STS: variants seen among roughly 807,000 people sequenced by gnomAD.
STS encodes the protein steryl-sulfatase.
A neutral mutation model predicts 26.8 loss-of-function variants in STS; 7 were observed. The ratio of observed to expected loss-of-function variants is 0.26; its 90% CI spans 0.15 to 0.49. STS has a LOEUF of 0.49. Among genes scored for constraint, STS ranks in the 20% least tolerant of loss-of-function variants. The pLI, the probability that STS is intolerant of heterozygous loss-of-function variation, is 0.98. For synonymous variants in STS, 199 were observed against 189.4 expected, an observed-to-expected ratio of 1.05 and a Z score of -0.42; for missense variants, 434 against 465.6, an observed-to-expected ratio of 0.93 and a Z score of 0.63.
rs996871542 is a variant in STS, at chrX:7,180,090, G to A, written c.-133-10790G>A. ...GTCCCCAACCTTTGGGACCAGTTTT[G>A]TCAAAGACAATTTCTCCCTGGACCT... On this transcript the variant is annotated intron_variant, in intron 1 of 10. Transcript: ENST00000674429. 6.3e-5 allele frequency among the ~76,000 whole-genome samples: 7 copies of A among 111,654 alleles called. 1 individual carries two copies. Among genetic ancestry groups the A allele is most frequent in the Admixed American group, 3.8e-4 (4 of 10,509 alleles).
chrX:7,240,489 ATGTATG>A (rs1364935364), intron 2 of STS, among the ~76,000 whole-genome samples: 26 of 45,053 alleles, frequency 5.8e-4, no homozygotes, highest in Non-Finnish European at 7.4e-4. Flanking sequence ...ACACACAGAT[ATGTATG>A]TGTGTGTGTG....
chrX:7,262,612 G>T (rs2147093393), intron 6 of STS, among the ~76,000 whole-genome samples: 1 of 112,410 alleles, frequency 8.9e-6, no homozygotes, highest in Admixed American at 9.4e-5. Flanking sequence ...AGGGATAAAA[G>T]TTGCAGTGCT....
At chrX:7,234,051 AT>A (rs1333472250) in intron 2 of STS, among the ~76,000 whole-genome samples, 4 of 111,229 alleles carry the variant, frequency 3.6e-5, no homozygotes, top group Non-Finnish European at 3.8e-5. Context: ...TGTGTATTTT[AT>A]TTTCTCTCCT....
At chrX:7,207,054 A>C (rs1041971610) in intron 2 of STS, among the ~76,000 whole-genome samples, 3 of 111,493 alleles carry the variant, frequency 2.7e-5, no homozygotes, top group Non-Finnish European at 5.7e-5. Context: ...TACTAAAAAT[A>C]AAAAAGTCAC....
intron 9 of STS, among the ~76,000 whole-genome samples, chrX:7,329,291 G>A (rs772682755): frequency 1.8e-5 from 2 of 111,827 alleles, no homozygotes; most frequent in Non-Finnish European, 3.8e-5. Flanking sequence ...TTATTGTCTT[G>A]GCTCAGGGTG....
chrX:7,240,680 C>T (rs1371370202), intron 2 of STS, among the ~76,000 whole-genome samples: 2 of 108,117 alleles, frequency 1.8e-5, no homozygotes, highest in Admixed American at 1.0e-4. Context: ...AGGCTGAAGT[C>T]ATCATTGACT....
At position 7,342,433 on chromosome X, in the gene STS, A is replaced by G. The variant is rs149944644; in HGVS notation, c.1364-7455A>G. Among the ~76,000 whole-genome samples, 631 of 112,211 alleles carry G rather than the reference A, an allele frequency of 5.6e-3. 1 individual carries two copies. The highest frequency in any genetic ancestry group is 7.9e-3 in the Non-Finnish European group (419 of 53,232). ...CTACACCCACTTTGTTCCAGGTTAT[A>G]TATTTCTGTCCCTTAATATGCAAAA... On this transcript the variant is annotated intron_variant, in intron 10 of 10. Coordinates refer to ENST00000674429, the MANE Select transcript of STS (RefSeq NM_001320752.2).
intron 10 of STS, among the ~76,000 whole-genome samples, chrX:7,346,307 G>A (rs192035138): frequency 1.0e-3 from 113 of 111,197 alleles, no homozygotes; most frequent in Admixed American, 2.4e-3. Flanking sequence ...TAAGCATTTT[G>A]TTCTAGCACA....
At chrX:7,219,523 T>C (rs1158430095) in intron 2 of STS, 1 of 1,169,057 alleles carries the variant, frequency 8.6e-7, no homozygotes. Context: ...AGTGATTGAG[T>C]AGGATTGGCC....
intron 1 of STS, among the ~76,000 whole-genome samples, chrX:7,187,360 G>A (rs1278994216): frequency 8.9e-6 from 1 of 112,109 alleles, no homozygotes; most frequent in Non-Finnish European, 1.9e-5. Flanking sequence ...TCACGAGAAA[G>A]TAGGATAAAT....
chrX:7,209,413 A>G (rs1407924469), intron 2 of STS, among the ~76,000 whole-genome samples: 2 of 106,182 alleles, frequency 1.9e-5, no homozygotes, highest in Non-Finnish European at 1.9e-5. Flanking sequence ...ATAGAAATAT[A>G]TATTTTTATA....
intron 8 of STS, among the ~76,000 whole-genome samples, chrX:7,314,356 CA>C (rs1412989310): frequency 1.8e-5 from 2 of 109,221 alleles, no homozygotes; most frequent in South Asian, 3.9e-4. Context: ...GATCCTGTCT[CA>C]AAAAAAAAGT....
chrX:7,157,785 T>C (rs1933164990), intron 1 of STS, among the ~76,000 whole-genome samples: 2 of 111,517 alleles, frequency 1.8e-5, no homozygotes, highest in South Asian at 7.5e-4. Flanking sequence ...GTCATACAGC[T>C]AGTGGGTGCT....
intron 2 of STS, among the ~76,000 whole-genome samples, chrX:7,235,926 T>G (rs1428223335): frequency 8.9e-6 from 1 of 112,016 alleles, no homozygotes; most frequent in African/African-American, 3.2e-5. Context: ...TTAGATAAGC[T>G]TTGAATTAGA....
At position 7,182,350 on chromosome X, in the gene STS, G is replaced by C. The variant is rs199912617; in HGVS notation, c.-133-8530G>C. 2.7e-5 allele frequency among the ~76,000 whole-genome samples: 3 copies of C among 109,302 alleles called. No homozygotes were observed. In the East Asian group the frequency reaches 8.7e-4, roughly 32 times the overall value. 94.9% of individuals were successfully genotyped at this position (109,302 alleles called of 115,157 possible). A position where few individuals can be genotyped will look rare whatever the true frequency, so the allele number is the denominator to read the frequency against. ...GCTGGCTTCTTCTTGAGCGAATTCT[G>C]TTCCCCTGGCCTCAGCTGGCAGATA... is the stretch of plus-strand genomic sequence containing the variant. On this transcript the variant is annotated intron_variant, in intron 1 of 10. Coordinates refer to ENST00000674429, the MANE Select transcript of STS (RefSeq NM_001320752.2).
chrX:7,148,131 C>T (rs1432074362), intron 1 of STS, 48 bp downstream of exon 1: 1 of 1,103,289 alleles, frequency 9.1e-7, no homozygotes, highest in Non-Finnish European at 1.2e-6. Flanking sequence ...CCTTCTGGGT[C>T]TGGGTGGGGG....
At chrX:7,244,487 G>A (rs1380216382) in intron 2 of STS, among the ~76,000 whole-genome samples, 2 of 111,763 alleles carry the variant, frequency 1.8e-5, no homozygotes, top group African/African-American at 3.3e-5. Context: ...CTACATACAG[G>A]AGCAGAGGGA....
intron 9 of STS, among the ~76,000 whole-genome samples, chrX:7,329,134 T>C (rs942303054): frequency 6.2e-5 from 7 of 112,530 alleles, no homozygotes; most frequent in African/African-American, 2.3e-4. Context: ...AAGTGCCTTA[T>C]GGGAATAGAA....
At chrX:7,265,891 C>G (rs1271756505) in intron 6 of STS, among the ~76,000 whole-genome samples, 1 of 112,141 alleles carries the variant, frequency 8.9e-6, no homozygotes, top group African/African-American at 3.2e-5. Context: ...AGAGAATGGC[C>G]TTGATATGTT....
Sources: allele counts gnomAD v4.1 joint callset (sites outside exome capture counted in the v4.1 genomes callset), GRCh38; gene constraint gnomAD v4.1.1; transcripts MANE v1.5; gene names NCBI Gene and HGNC (gene_info 2026-07-23, HGNC 2026-07-21).